The following TTC34 variants were observed in gnomAD, a reference collection of about 807,000 sequenced individuals.
TTC34 encodes tetratricopeptide repeat protein 34.
Under a neutral mutation model 40.7 loss-of-function variants are expected in TTC34, and 44 were observed. That is an observed-to-expected ratio of 1.08 (90% confidence interval 0.85 to 1.39). The LOEUF is 1.39. Ranked by LOEUF, TTC34 falls within the 40% of genes most tolerant of loss-of-function variation. The pLI is 0.00. For synonymous variants in TTC34, 422 were observed against 398.6 expected, an observed-to-expected ratio of 1.06 and a Z score of -0.70; for missense variants, 884 against 838.0, an observed-to-expected ratio of 1.05 and a Z score of -0.68.
chr1:2,685,994 C>A (rs1222552862), intron 6 of TTC34, among the ~76,000 whole-genome samples: 2 of 126,790 alleles, frequency 1.6e-5, no homozygotes. Flanking sequence ...GTATCAGCAC[C>A]CACACCCCCA....
chr1:2,754,650 C>T (rs1641444144), intron 6 of TTC34, among the ~76,000 whole-genome samples: 1 of 89,628 alleles, frequency 1.1e-5, no homozygotes, highest in Admixed American at 1.1e-4. Context: ...CGTGGAGGAG[C>T]ACCCACACCC....
At chr1:2,675,055 CG>C (rs1639848630) in intron 6 of TTC34, among the ~76,000 whole-genome samples, 1 of 117,280 alleles carries the variant, frequency 8.5e-6, no homozygotes, top group Non-Finnish European at 2.0e-5. Flanking sequence ...AGGTGAGCAT[CG>C]GAGAGTCAGG....
Position 2,796,272 on chromosome 1 carries a change from A to G in TTC34, c.784+3772T>C, listed in dbSNP as rs1212551982. ...GCGACTGGTTTGTGCAATGTTTCCA[A>G]GGACTTTGGAAAGTAACCTCCAGAT... On this transcript the variant is annotated intron_variant, in intron 2 of 8. Transcript: ENST00000401095. The surrounding 1 kb of genome is among the most constrained non-coding windows in gnomAD (Gnocchi z 4.5). Among the ~76,000 whole-genome samples the G allele has an allele frequency of 2.0e-5, 3 of 152,218 alleles. No homozygotes were observed. The highest frequency in any genetic ancestry group is 2.0e-4 in the Admixed American group (3 of 15,284).
intron 5 of TTC34, among the ~76,000 whole-genome samples, chr1:2,784,252 T>C (rs889910401): frequency 1.3e-5 from 2 of 152,158 alleles, no homozygotes; most frequent in African/African-American, 4.8e-5. Context: ...AGATAGAAGG[T>C]GGCATACGTC....
intron 6 of TTC34, among the ~76,000 whole-genome samples, chr1:2,683,551 A>T (rs1251434348): frequency 7.1e-6 from 1 of 141,152 alleles, no homozygotes; most frequent in East Asian, 2.0e-4. Context: ...CAGCACCCAC[A>T]ACCACAGGTG....
rs1643765270 is a variant in TTC34 at position 2,800,875 on chromosome 1, G to T, written c.-41-7C>A. The stretch of plus-strand genomic sequence containing the variant: ...TGTCTGGTCCTCAGAGTACCTGGGG[G>T]TGGGGGAGCATGGTGAGTCCACAGA... On this transcript the variant is annotated splice_polypyrimidine_tract_variant and splice_region_variant and intron_variant, in intron 1 of 8. Transcript: ENST00000401095. 1 of 398,602 alleles carries T rather than the reference G, an allele frequency of 2.5e-6. No individual in the cohort carries two copies. The highest frequency in any genetic ancestry group is 4.4e-5 in the Admixed American group (1 of 22,728). 24.7% of individuals were successfully genotyped at this position (398,602 alleles called of 1,614,324 possible).
chr1:2,687,456 G>A (rs568971123), intron 6 of TTC34, among the ~76,000 whole-genome samples: 60 of 145,866 alleles, frequency 4.1e-4, no homozygotes, highest in African/African-American at 8.1e-4. Context: ...CCACAGGTGA[G>A]CATCCGACAG....
At chr1:2,754,742 C>G (rs1641446911) in intron 6 of TTC34, among the ~76,000 whole-genome samples, 2 of 148,098 alleles carry the variant, frequency 1.4e-5, no homozygotes, top group Non-Finnish European at 3.0e-5. Context: ...CCCACACCCC[C>G]AGGTGCGCAT....
chr1:2,688,196 CAGCACCCCACACCCCCA>C (rs1640456631), intron 6 of TTC34, among the ~76,000 whole-genome samples: 1 of 125,826 alleles, frequency 7.9e-6, no homozygotes, highest in African/African-American at 3.5e-5. Flanking sequence ...CAGCCTGGAG[CAGCACCCCACACCCCCA>C]GGGGAGCATC....
rs1364704530 is a variant in TTC34 at position 2,760,403 on chromosome 1, A to G, written c.2226+23206T>C. 1.2e-4 allele frequency among the ~76,000 whole-genome samples: 6 copies of G among 49,800 alleles called. 2 individuals carry two copies. Among genetic ancestry groups the G allele is most frequent in the Non-Finnish European group, 1.6e-4 (5 of 32,122 alleles). The allele number at this position is 49,800 out of a possible 152,430, so 32.7% of individuals were successfully genotyped here. A position where few individuals can be genotyped will look rare whatever the true frequency, so the allele number is the denominator to read the frequency against. ...CTGACAGCCTGGAACATCACCCCGC[A>G]CCCACAGGCGAGCATCTGACAGCCT... On this transcript the variant is annotated intron_variant, in intron 6 of 8. Coordinates refer to ENST00000401095, the Ensembl canonical transcript of TTC34.
chr1:2,752,726 C>G lies in TTC34; in HGVS notation c.2226+30883G>C, dbSNP rs1468266772. ...GAGCATCTGACAGCATGGAACAGCA[C>G]CCTGCACCCCCAGGACAGCATCTGA... On this transcript the variant is annotated intron_variant, in intron 6 of 8. Transcript: ENST00000401095. Among the ~76,000 whole-genome samples, 3 of 127,246 alleles carry G rather than the reference C, an allele frequency of 2.4e-5. 1 individual carries two copies. Among genetic ancestry groups the G allele is most frequent in the African/African-American group, 1.1e-4 (3 of 27,646 alleles). 83.5% of individuals were successfully genotyped at this position (127,246 alleles called of 152,430 possible).
intron 6 of TTC34, among the ~76,000 whole-genome samples, chr1:2,673,310 T>C (rs1409959203): frequency 0.011 from 465 of 41,696 alleles, no homozygotes; most frequent in African/African-American, 0.013. Context: ...GGAACAGCAC[T>C]CACACCCCCA....
At chr1:2,753,089 C>G (rs1455638909) in intron 6 of TTC34, among the ~76,000 whole-genome samples, 3 of 134,908 alleles carry the variant, frequency 2.2e-5, no homozygotes, top group Admixed American at 7.4e-5. Flanking sequence ...GGAACGGCAA[C>G]CACACCCCCA....
chr1:2,688,791 A>G (rs1640491098), intron 6 of TTC34, among the ~76,000 whole-genome samples: 1 of 102,694 alleles, frequency 9.7e-6, no homozygotes, highest in Non-Finnish European at 1.8e-5. Context: ...AGCATCTGAC[A>G]GCATGTAACA....
At chr1:2,792,756 A>T (rs1221502398) in intron 2 of TTC34, among the ~76,000 whole-genome samples, 1 of 152,120 alleles carries the variant, frequency 6.6e-6, no homozygotes, top group Non-Finnish European at 1.5e-5. Context: ...CCTTTTCAAG[A>T]TTCTTCATCT....
At position 2,785,554 on chromosome 1, in the gene TTC34, C is replaced by T. The variant is rs1172744374; in HGVS notation, c.2059+265G>A. Among the ~76,000 whole-genome samples, 8 of 152,294 alleles carry T rather than the reference C, an allele frequency of 5.3e-5. No individual in the cohort carries two copies. In the South Asian group the frequency reaches 6.2e-4, roughly 12 times the overall value. ...CCCCTCAGGACTGGGGGTGCTGGGACGGCAGCTCAGGCACCAGGCAGGGCA... is the reference window on the plus strand; with the variant it reads ...CCCCTCAGGACTGGGGGTGCTGGGATGGCAGCTCAGGCACCAGGCAGGGCA... On this transcript the variant is annotated intron_variant, in intron 5 of 8. Coordinates refer to ENST00000401095, the Ensembl canonical transcript of TTC34.
rs1279998691 is a variant in TTC34, at chr1:2,800,888, G to A, written c.-41-20C>T. 5 of 398,424 alleles carry A rather than the reference G, an allele frequency of 1.3e-5. No homozygotes were observed. The highest frequency in any genetic ancestry group is 2.1e-5 in the African/African-American group (1 of 48,594). 24.7% of individuals were successfully genotyped at this position (398,424 alleles called of 1,614,324 possible). Reference sequence around the variant, plus strand: ...GAGTACCTGGGGGTGGGGGAGCATGGTGAGTCCACAGAGGGCGGCCAGTTC... The same window carrying A: ...GAGTACCTGGGGGTGGGGGAGCATGATGAGTCCACAGAGGGCGGCCAGTTC... On this transcript the variant is annotated intron_variant, in intron 1 of 8. Transcript: ENST00000401095.
chr1:2,652,463 C>G (rs112437730), intron 6 of TTC34, among the ~76,000 whole-genome samples: 54 of 86,760 alleles, frequency 6.2e-4, no homozygotes, highest in South Asian at 9.3e-4. Context: ...GAGCATCCGA[C>G]AGCCTGGAGC....
intron 6 of TTC34, among the ~76,000 whole-genome samples, chr1:2,691,775 C>T (rs1203284459): frequency 3.2e-5 from 3 of 94,592 alleles, no homozygotes; most frequent in Admixed American, 1.1e-4. Context: ...CAAATAGCAG[C>T]ACCCACACCC....
Sources: allele counts gnomAD v4.1 joint callset (sites outside exome capture counted in the v4.1 genomes callset), GRCh38; gene constraint gnomAD v4.1.1; non-coding constraint Gnocchi (gnomAD v3.1); transcripts MANE v1.5; gene names NCBI Gene and HGNC (gene_info 2026-07-23, HGNC 2026-07-21).